Variants in DRC9 observed in about 807,000 individuals in gnomAD.
DRC9 encodes dynein regulatory complex protein 9.
the DRC9 span, chr3:197,938,832 C>T: frequency 4.9e-6 from 6 of 1,236,126 alleles, no homozygotes; most frequent in Non-Finnish European, 7.1e-6. Flanking sequence ...GACAATACAA[C>T]AAGAAAGAGG....
At chr3:197,923,763 A>G in the DRC9 span, among the ~76,000 whole-genome samples, 1 of 152,120 alleles carries the variant, frequency 6.6e-6, no homozygotes, top group African/African-American at 2.4e-5. Context: ...AGTAAAAAAT[A>G]AATAAATAAA....
chr3:197,927,074 C>G, the DRC9 span, among the ~76,000 whole-genome samples: 4 of 152,236 alleles, frequency 2.6e-5, no homozygotes, highest in African/African-American at 7.2e-5. Flanking sequence ...GAGAAACAGC[C>G]TTCTGCTTCT....
the DRC9 span, among the ~76,000 whole-genome samples, chr3:197,921,987 GGC>G: frequency 8.7e-6 from 1 of 115,064 alleles, no homozygotes; most frequent in African/African-American, 5.2e-5. Flanking sequence ...CAGTAACTCT[GGC>G]GATTTAACTT....
the DRC9 span, chr3:197,955,703 G>A: frequency 9.5e-6 from 14 of 1,472,600 alleles, no homozygotes; most frequent in South Asian, 2.3e-5. Context: ...ATTTGTAGAC[G>A]TATATATAAC....
At chr3:197,932,373 C>A in the DRC9 span, 8 of 1,263,290 alleles carry the variant, frequency 6.3e-6, no homozygotes, top group Non-Finnish European at 8.9e-6. Context: ...GGTGGCTCAC[C>A]CCTGTAATCC....
the DRC9 span, chr3:197,889,364 C>T: frequency 1.7e-6 from 1 of 586,544 alleles, no homozygotes; most frequent in South Asian, 2.1e-5. Context: ...TATGAGGAAG[C>T]CCTAAGTCAA....
chr3:197,932,316 C>T, the DRC9 span: 4 of 1,603,846 alleles, frequency 2.5e-6, no homozygotes, highest in Non-Finnish European at 3.4e-6. Flanking sequence ...TAAGGAGAAA[C>T]AGACCAACAA....
chr3:197,941,430 TCCCCCTCCCTCCTCTCCC>T, the DRC9 span, among the ~76,000 whole-genome samples: 1 of 26,288 alleles, frequency 3.8e-5, no homozygotes, highest in African/African-American at 1.5e-4. Context: ...TCCTCTCCCA[TCCCCCTCCCTCCTCTCCC>T]ATCCCCCTCC....
the DRC9 span, among the ~76,000 whole-genome samples, chr3:197,932,559 C>G: frequency 1.3e-5 from 2 of 151,378 alleles, no homozygotes; most frequent in East Asian, 3.9e-4. Flanking sequence ...TGCTGGAACC[C>G]GGGAGGTGGA....
the DRC9 span, among the ~76,000 whole-genome samples, chr3:197,906,994 C>A: frequency 6.6e-6 from 1 of 152,202 alleles, no homozygotes; most frequent in Non-Finnish European, 1.5e-5. Flanking sequence ...CAAAGGCATT[C>A]TGATTACATC....
At chr3:197,954,348 G>A in the DRC9 span, 1 of 615,564 alleles carries the variant, frequency 1.6e-6, no homozygotes, top group Non-Finnish European at 2.9e-6. Flanking sequence ...TTTTTTTTTG[G>A]GGGGAGACAG....
the DRC9 span, among the ~76,000 whole-genome samples, chr3:197,901,904 G>A: frequency 6.6e-6 from 1 of 152,150 alleles, no homozygotes; most frequent in African/African-American, 2.4e-5. The surrounding 1 kb of genome is among the most constrained non-coding windows in gnomAD (Gnocchi z 4.4). Flanking sequence ...CCAGGTAGTG[G>A]TTACAGCCTT....
the DRC9 span, chr3:197,960,153 C>G: frequency 5.1e-6 from 7 of 1,368,604 alleles, no homozygotes; most frequent in Admixed American, 1.7e-4. Flanking sequence ...TTTCCGCCGG[C>G]TGGGCCCTCC....
chr3:197,897,769 C>T, the DRC9 span, among the ~76,000 whole-genome samples: 1 of 145,190 alleles, frequency 6.9e-6, no homozygotes, highest in East Asian at 1.9e-4. Flanking sequence ...CAAGCATAAA[C>T]CTTTTTTTTT....
At chr3:197,940,346 C>T in the DRC9 span, among the ~76,000 whole-genome samples, 3 of 150,558 alleles carry the variant, frequency 2.0e-5, no homozygotes, top group African/African-American at 4.9e-5. Context: ...TTATATTGCA[C>T]ATGCTATGTA....
At chr3:197,942,665 C>T in the DRC9 span, among the ~76,000 whole-genome samples, 1 of 151,944 alleles carries the variant, frequency 6.6e-6, no homozygotes, top group African/African-American at 2.4e-5. Flanking sequence ...CGCCTGTAAT[C>T]CCAGCACTTT....
chr3:197,930,821 G>A, the DRC9 span, among the ~76,000 whole-genome samples: 1 of 151,346 alleles, frequency 6.6e-6, no homozygotes, highest in South Asian at 2.1e-4. Context: ...GGATTACGAG[G>A]TCAAGAGATC....
At chr3:197,931,872 G>C in the DRC9 span, among the ~76,000 whole-genome samples, 1 of 152,020 alleles carries the variant, frequency 6.6e-6, no homozygotes, top group Non-Finnish European at 1.5e-5. Context: ...TGATCCGCCC[G>C]CCTCAGCCTC....
At chr3:197,906,567 GT>G in the DRC9 span, 1 of 151,986 alleles carries the variant, frequency 6.6e-6, no homozygotes, top group Non-Finnish European at 1.5e-5. Context: ...TGGCCACGCT[GT>G]CACTTTGGGT....
Sources: allele counts gnomAD v4.1 joint callset (sites outside exome capture counted in the v4.1 genomes callset), GRCh38; gene constraint gnomAD v4.1.1; non-coding constraint Gnocchi (gnomAD v3.1); transcripts MANE v1.5; gene names NCBI Gene and HGNC (gene_info 2026-07-23, HGNC 2026-07-21).